The following UBAP2 variants were observed in gnomAD, a reference collection of about 807,000 sequenced individuals.
UBAP2 encodes ubiquitin associated protein 2, also known as ubiquitin-associated protein 2.
In UBAP2, 75 loss-of-function variants were observed where a neutral mutation model predicts 139.6. The ratio of observed to expected loss-of-function variants is 0.54; its 90% CI spans 0.45 to 0.65. The LOEUF (loss-of-function observed/expected upper bound fraction) is 0.65. Ranked by LOEUF, UBAP2 falls within the 30% of genes least tolerant of loss-of-function variation. UBAP2 has a pLI of 0.00. For missense variants in UBAP2, 1,368 were observed against 1,369.6 expected, an observed-to-expected ratio of 1.00 and a Z score of 0.02; for synonymous variants, 526 against 526.2, an observed-to-expected ratio of 1.00 and a Z score of 0.01.
In UBAP2 at chr9:33,953,435, G is replaced by A. The variant is rs778652261; in HGVS notation, c.906C>T (p.His302=). 1.9e-6 allele frequency: 3 copies of A among 1,614,136 alleles called. No individual in the cohort carries two copies. The highest frequency in any genetic ancestry group is 1.3e-5 in the African/African-American group (1 of 75,050). ...LVALLQKPVP[H]SQASEANSFE... Reference sequence around the variant, plus strand: ...AGGAGTTGGCTTCTGAGGCTTGACTGTGAGGAACAGGCTTCTGGAGCAAGG... The same window carrying A: ...AGGAGTTGGCTTCTGAGGCTTGACTATGAGGAACAGGCTTCTGGAGCAAGG... Residue 302 remains histidine (H), a synonymous_variant, in exon 12 of 29, where the codon CAC becomes CAT. Transcript: ENST00000379238.
At chr9:33,941,529 C>A in intron 16 of UBAP2, 120 bp downstream of exon 16, 1 of 849,008 alleles carries the variant, frequency 1.2e-6, no homozygotes. Flanking sequence ...TATAAGGATT[C>A]TACTCAAAAG....
intron 2 of UBAP2, among the ~76,000 whole-genome samples, chr9:34,005,837 C>CA (rs909683717): frequency 2.1e-4 from 32 of 152,146 alleles, no homozygotes; most frequent in Middle Eastern, 3.4e-3. Flanking sequence ...GAAAACAAAC[C>CA]AAAAAATGCA....
At chr9:34,031,071 G>C (rs1336619383) in intron 1 of UBAP2, among the ~76,000 whole-genome samples, 1 of 152,062 alleles carries the variant, frequency 6.6e-6, no homozygotes, top group Non-Finnish European at 1.5e-5. Context: ...TGGGAGTCAG[G>C]AGTTTGAGAC....
At chr9:34,028,864 C>A (rs1825641941) in intron 1 of UBAP2, among the ~76,000 whole-genome samples, 1 of 152,110 alleles carries the variant, frequency 6.6e-6, no homozygotes, top group African/African-American at 2.4e-5. Flanking sequence ...CCCCAACTCC[C>A]AGGCTGCAGA....
rs147922406 is a variant in UBAP2 at position 33,938,992 on chromosome 9, C to T, written c.1929+2657G>A. 4.0e-3 allele frequency: 1,648 copies of T among 414,754 alleles called. 20 individuals are homozygous for T. The highest frequency in any genetic ancestry group is 0.028 in the African/African-American group (1,347 of 47,370). 25.7% of individuals were successfully genotyped at this position (414,754 alleles called of 1,614,324 possible). A position where few individuals can be genotyped will look rare whatever the true frequency, so the allele number is the denominator to read the frequency against. On this transcript the variant is annotated intron_variant, in intron 16 of 28. Coordinates refer to ENST00000379238, the MANE Select transcript of UBAP2 (RefSeq NM_001370062.2). ...GGAAGGGAGGATGATCCATCCAAGA[C>T]GGACAAGGGACACAAATATTTTTCT... is the stretch of plus-strand genomic sequence containing the variant.
chr9:34,014,962 A>C (rs1824120166), intron 2 of UBAP2, among the ~76,000 whole-genome samples: 1 of 152,196 alleles, frequency 6.6e-6, no homozygotes, highest in Non-Finnish European at 1.5e-5. Flanking sequence ...CTGTCTGTTA[A>C]TACCAGCAGA....
At chr9:34,047,553 A>G (rs1827715788) in intron 1 of UBAP2, among the ~76,000 whole-genome samples, 1 of 152,242 alleles carries the variant, frequency 6.6e-6, no homozygotes, top group Non-Finnish European at 1.5e-5. Flanking sequence ...GAGGAATGCA[A>G]TAACTAGTCG....
chr9:34,019,057 A>G (rs765761660), intron 1 of UBAP2, among the ~76,000 whole-genome samples: 6 of 152,168 alleles, frequency 3.9e-5, no homozygotes, highest in East Asian at 1.9e-4. Flanking sequence ...ATGCTACCAC[A>G]TGGATGCACC....
At chr9:33,977,397 A>G (rs1265562791) in intron 6 of UBAP2, among the ~76,000 whole-genome samples, 1 of 152,154 alleles carries the variant, frequency 6.6e-6, no homozygotes, top group Non-Finnish European at 1.5e-5. Context: ...TTCTAGCAAG[A>G]TAATAGAATT....
At chr9:33,991,825 G>A (rs1821735275) in intron 4 of UBAP2, among the ~76,000 whole-genome samples, 1 of 152,176 alleles carries the variant, frequency 6.6e-6, no homozygotes, top group Non-Finnish European at 1.5e-5. Context: ...AATCATCCCA[G>A]AAGAGTTGGC....
At chr9:34,032,873 G>T (rs1341571151) in intron 1 of UBAP2, among the ~76,000 whole-genome samples, 1 of 146,010 alleles carries the variant, frequency 6.8e-6, no homozygotes, top group Middle Eastern at 3.9e-3. Flanking sequence ...GCAGTGAGCC[G>T]CCACTGTACT....
intron 22 of UBAP2, among the ~76,000 whole-genome samples, chr9:33,925,057 CAG>C (rs895486733): frequency 2.6e-4 from 39 of 152,260 alleles, no homozygotes; most frequent in African/African-American, 8.7e-4. Flanking sequence ...AGTGTGGAGA[CAG>C]AGACGGCAAA....
chr9:34,031,697 A>G (rs1207062113), intron 1 of UBAP2, among the ~76,000 whole-genome samples: 1 of 151,954 alleles, frequency 6.6e-6, no homozygotes, highest in African/African-American at 2.4e-5. Flanking sequence ...ATGCCCGGCT[A>G]ATTTTTGAAT....
At position 33,956,077 on chromosome 9, in the gene UBAP2, A is replaced by T; in HGVS notation, c.866+2T>A. ...AAATATAAGATGGCAAAAAGTATTT[A>T]CCTTTGCCCAGGTAAGATGTGATTC... On this transcript the variant is annotated splice_donor_variant, in intron 11 of 28. Coordinates refer to ENST00000379238, the MANE Select transcript of UBAP2 (RefSeq NM_001370062.2). LOFTEE classifies it high-confidence loss of function. 6.2e-7 allele frequency: 1 copy of T among 1,606,922 alleles called. No individual in the cohort carries two copies. Among genetic ancestry groups the T allele is most frequent in the Non-Finnish European group, 8.5e-7 (1 of 1,176,146 alleles).
intron 23 of UBAP2, 60 bp downstream of exon 23, chr9:33,924,146 G>A: frequency 6.2e-7 from 1 of 1,600,058 alleles, no homozygotes; most frequent in South Asian, 1.1e-5. Context: ...CTGCTTCCCA[G>A]CTCCTGGAGT....
In UBAP2 at chr9:34,026,413, A is replaced by G. The variant is rs181927520; in HGVS notation, c.-41-9224T>C. Among the ~76,000 whole-genome samples, 27 of 152,330 alleles carry G rather than the reference A, an allele frequency of 1.8e-4. 1 individual carries two copies. In the East Asian group the frequency reaches 4.8e-3, roughly 27 times the overall value. ...ATATAATTCAGATGACATGAATTAC[A>G]TAATGGGCTAAGGGTTCAACTACTA... On this transcript the variant is annotated intron_variant, in intron 1 of 28. Transcript: ENST00000379238.
At chr9:34,019,444 T>G (rs1184393349) in intron 1 of UBAP2, among the ~76,000 whole-genome samples, 1 of 151,988 alleles carries the variant, frequency 6.6e-6, no homozygotes, top group African/African-American at 2.4e-5. Context: ...ATGACTCTAC[T>G]TATACAAGTT....
chr9:33,959,547 G>A (rs1826856109), intron 10 of UBAP2, among the ~76,000 whole-genome samples: 1 of 151,966 alleles, frequency 6.6e-6, no homozygotes, highest in Non-Finnish European at 1.5e-5. Flanking sequence ...CAGAAAAGAG[G>A]TATAAAATTT....
At chr9:33,947,831 AAAAAAAAT>A (rs1825765151) in intron 13 of UBAP2, among the ~76,000 whole-genome samples, 1 of 151,790 alleles carries the variant, frequency 6.6e-6, no homozygotes, top group Non-Finnish European at 1.5e-5. Flanking sequence ...ACTCAAAAAA[AAAAAAAAT>A]AAAATAATAG....
Sources: gnomAD v4.1 joint callset for allele counts (sites outside exome capture counted in the v4.1 genomes callset) on GRCh38, gnomAD v4.1.1 for gene constraint, MANE v1.5 for transcripts, NCBI Gene and HGNC (gene_info 2026-07-23, HGNC 2026-07-21) for gene names.